ZBTB7B: variants seen among roughly 807,000 people sequenced by gnomAD.
The protein encoded by ZBTB7B is zinc finger and BTB domain containing 7B.
ZBTB7B carries 8 observed loss-of-function variants against 31.0 expected under a neutral mutation model. The ratio of observed to expected loss-of-function variants is 0.26; its 90% CI spans 0.15 to 0.47. ZBTB7B has a LOEUF of 0.47. ZBTB7B is among the 20% of genes least tolerant of loss of function. ZBTB7B has a pLI of 0.99. For missense variants in ZBTB7B, 494 were observed against 742.4 expected (o/e 0.67, Z 3.89); for synonymous variants, 261 against 307.3 (o/e 0.85, Z 1.58).
In ZBTB7B at chr1:155,003,159, C is replaced by G. The variant is rs1000708388; in HGVS notation, c.-7+216C>G. ...CAGAGAAGGAACTGCGGATGCCCCC[C>G]AACCCTAGGCGGAGGGTCCCCAGAA... On this transcript the variant is annotated intron_variant, in intron 1 of 2. Coordinates refer to ENST00000535420, the MANE Select transcript of ZBTB7B (RefSeq NM_001256455.2). This position sits in a 1 kb window ranked among gnomAD's most constrained non-coding sequence, Gnocchi z 5.8. Among the ~76,000 whole-genome samples, 3 of 152,200 alleles carry G rather than the reference C, an allele frequency of 2.0e-5. No homozygotes were observed. The highest frequency in any genetic ancestry group is 4.4e-5 in the Non-Finnish European group (3 of 68,032).
chr1:155,002,312 G>T (rs946807179), upstream of ZBTB7B, among the ~76,000 whole-genome samples: 68 of 150,424 alleles, frequency 4.5e-4, no homozygotes, highest in African/African-American at 1.6e-3. Flanking sequence ...GGTGGACTGG[G>T]AGAGATAGGG....
intron 1 of ZBTB7B, 166 bp from the exon 2 acceptor site, chr1:155,014,489 G>A: frequency 3.1e-6 from 2 of 650,954 alleles, no homozygotes; most frequent in South Asian, 2.0e-5. Flanking sequence ...TGAAACAGAT[G>A]ATGATCATAC....
At position 155,003,253 on chromosome 1, in the gene ZBTB7B, G is replaced by T. The variant is rs992234608; in HGVS notation, c.-7+310G>T. ...CGGGATGGAGAGGGGGTGAGGCGAC[G>T]CTGAGCGTTCCCCCAGTCTCCTTCG... On this transcript the variant is annotated intron_variant, in intron 1 of 2. Transcript: ENST00000535420. This position sits in a 1 kb window ranked among gnomAD's most constrained non-coding sequence, Gnocchi z 5.8. 2.0e-5 allele frequency among the ~76,000 whole-genome samples: 3 copies of T among 152,222 alleles called. No individual in the cohort carries two copies. Among genetic ancestry groups the T allele is most frequent in the African/African-American group, 4.8e-5 (2 of 41,456 alleles).
At chr1:155,008,061 C>A (rs1406222375) in intron 1 of ZBTB7B, among the ~76,000 whole-genome samples, 3 of 152,174 alleles carry the variant, frequency 2.0e-5, no homozygotes, top group African/African-American at 7.2e-5. Flanking sequence ...TCCCACCCAA[C>A]CGGCCAGGGT....
At chr1:155,010,932 G>A in intron 1 of ZBTB7B, 2 of 1,535,804 alleles carry the variant, frequency 1.3e-6, no homozygotes, top group Non-Finnish European at 1.7e-6. Context: ...GTTACAGCCT[G>A]GTCCTCATCC....
chr1:155,013,051 A>G (rs947514544), intron 1 of ZBTB7B, among the ~76,000 whole-genome samples: 1 of 152,158 alleles, frequency 6.6e-6, no homozygotes, highest in African/African-American at 2.4e-5. Flanking sequence ...CCTGTCCCCA[A>G]GTAGTTTTCT....
In ZBTB7B at chr1:155,014,684, G is replaced by C; in HGVS notation, c.24G>C (p.Leu8=). ...AGATGGGGAGCCCCGAGGATGACCT[G>C]ATTGGGATTCCATTCCCGGACCACA... MGSPEDD[L]IGIPFPDHSS... Residue 8 remains leucine (L), a synonymous_variant, in exon 2 of 3, where the codon CTG becomes CTC. Coordinates refer to ENST00000535420, the MANE Select transcript of ZBTB7B (RefSeq NM_001256455.2). The C allele has an allele frequency of 6.2e-7, 1 of 1,613,766 alleles. No homozygotes were observed. Among genetic ancestry groups the C allele is most frequent in the Non-Finnish European group, 8.5e-7 (1 of 1,179,716 alleles).
At chr1:155,013,382 G>A (rs986009463) in intron 1 of ZBTB7B, among the ~76,000 whole-genome samples, 8 of 152,244 alleles carry the variant, frequency 5.3e-5, no homozygotes, top group African/African-American at 9.6e-5. Context: ...TGTCAGGGCT[G>A]AAGGTCTGAG....
At chr1:155,005,689 G>A (rs1055854555) in intron 1 of ZBTB7B, among the ~76,000 whole-genome samples, 4 of 152,258 alleles carry the variant, frequency 2.6e-5, no homozygotes, top group Non-Finnish European at 5.9e-5. Flanking sequence ...TTTTGGCCTA[G>A]GGCGGGAGAG....
In ZBTB7B at chr1:155,004,629, A is replaced by G. The variant is rs562367606; in HGVS notation, c.-7+1686A>G. On this transcript the variant is annotated intron_variant, in intron 1 of 2. Coordinates refer to ENST00000535420, the MANE Select transcript of ZBTB7B (RefSeq NM_001256455.2). The surrounding 1 kb of genome is among the most constrained non-coding windows in gnomAD (Gnocchi z 4.0). ...GCTAGAGAGGGACATATGTGTGACT[A>G]TGTCTGGATGATAGTTAGTGTTCCT... is the stretch of plus-strand genomic sequence containing the variant. 2.0e-5 allele frequency among the ~76,000 whole-genome samples: 3 copies of G among 152,182 alleles called. No homozygotes were observed. The South Asian group carries it at 6.2e-4, about 32-fold the overall frequency.
Position 155,015,666 on chromosome 1 carries a change from C to G in ZBTB7B, c.1006C>G (p.Leu336Val). Residue 336 changes from leucine (L) to valine (V), a missense_variant, in exon 2 of 3, where the codon CTG becomes GTG. Leu to Val is a conservative substitution (Grantham distance 32, BLOSUM62 1). This residue lies in a region of ZBTB7B where 216 missense variants were observed against 229.3 expected (regional missense o/e 0.94). Coordinates refer to ENST00000535420, the MANE Select transcript of ZBTB7B (RefSeq NM_001256455.2). ...LAPGLDSQDK[L>V]VRKRRSQMPQ... ...ACCAGGCCTGGACAGCCAAGACAAG[C>G]TGGTGCGCAAACGCCGCTCCCAGAT... is the stretch of plus-strand genomic sequence containing the variant. 6.2e-7 allele frequency: 1 copy of G among 1,613,294 alleles called. No individual in the cohort carries two copies. Among genetic ancestry groups the G allele is most frequent in the South Asian group, 1.1e-5 (1 of 91,042 alleles).
chr1:155,014,511 CT>C (rs1242796710), intron 1 of ZBTB7B, 143 bp from the exon 2 acceptor site: 1 of 706,902 alleles, frequency 1.4e-6, no homozygotes, highest in East Asian at 2.7e-5. Context: ...TCAGAGGGTT[CT>C]GGAAGATGAA....
At chr1:155,009,232 C>T (rs4845700) in intron 1 of ZBTB7B, among the ~76,000 whole-genome samples, 101,070 of 151,958 alleles carry the variant, frequency 0.67, 37,680 homozygotes, top group East Asian at 0.91. Flanking sequence ...CTGGGCCAGG[C>T]CAGGAGGCTG....
Position 155,018,510 on chromosome 1 carries a change from T to G in ZBTB7B, c.*1825T>G. On this transcript the variant is annotated 3_prime_UTR_variant, in exon 3 of 3. Transcript: ENST00000535420. ...TGTAAGCGACAGGAAGAAATAATAA[T>G]AATTTAAGATTCACACTTGTGTCCA... 1.3e-6 allele frequency: 2 copies of G among 1,585,760 alleles called. No homozygotes were observed. Among genetic ancestry groups the G allele is most frequent in the Non-Finnish European group, 1.7e-6 (2 of 1,158,480 alleles).
chr1:155,016,191 TCCCTGCCCCTCAC>T lies in ZBTB7B; in HGVS notation c.1155-21_1155-9del. The T allele has an allele frequency of 6.2e-7, 1 of 1,602,770 alleles. No individual in the cohort carries two copies. The highest frequency in any genetic ancestry group is 8.5e-7 in the Non-Finnish European group (1 of 1,172,632). On this transcript the variant is annotated splice_polypyrimidine_tract_variant and intron_variant, in intron 2 of 2. Transcript: ENST00000535420. The surrounding 1 kb of genome is among the most constrained non-coding windows in gnomAD (Gnocchi z 4.3). ...AGCCAGGGATCCCATCCTGAACACC[TCCCTGCCCCTCAC>T]CCCTGCCTGTGCCAGGAACGACAAG...
chr1:155,002,334 G>C (rs141270835), upstream of ZBTB7B, among the ~76,000 whole-genome samples: 106 of 150,274 alleles, frequency 7.1e-4, no homozygotes, highest in Middle Eastern at 6.8e-3. Flanking sequence ...CAGGAGAAAG[G>C]GGGGGGAGAG....
At position 155,018,496 on chromosome 1, in the gene ZBTB7B, G is replaced by A; in HGVS notation, c.*1811G>A. The A allele has an allele frequency of 1.9e-6, 3 of 1,572,418 alleles. No homozygotes were observed. Among genetic ancestry groups the A allele is most frequent in the Non-Finnish European group, 2.6e-6 (3 of 1,150,382 alleles). On this transcript the variant is annotated 3_prime_UTR_variant, in exon 3 of 3. Transcript: ENST00000535420. ...TCCCCCACCTCGGGTGTAAGCGACA[G>A]GAAGAAATAATAATAATTTAAGATT... is the stretch of plus-strand genomic sequence containing the variant.
At chr1:155,008,540 G>T (rs1017214031) in intron 1 of ZBTB7B, among the ~76,000 whole-genome samples, 3 of 152,028 alleles carry the variant, frequency 2.0e-5, no homozygotes, top group African/African-American at 7.2e-5. Flanking sequence ...AGCTGCCTCC[G>T]TCCCCTCCCC....
Position 155,015,528 on chromosome 1 carries a change from C to G in ZBTB7B, c.868C>G (p.Leu290Val). The G allele has an allele frequency of 6.2e-7, 1 of 1,613,916 alleles. No homozygotes were observed. The change falls in exon 2 of 3, where the codon CTG becomes GTG. Residue 290 changes from leucine (L) to valine (V), a missense_variant. By Grantham distance (32) the Leu-to-Val change is conservative. Transcript: ENST00000535420. The stretch of plus-strand genomic sequence containing the variant: ...GCTGGTATATCCCCCAGCCTATGGG[C>G]TGGCGCAGGGTGGCGGGCCCCCGCT... ...EELVYPPAYG[L>V]AQGGGPPLSP...
Sources: allele counts gnomAD v4.1 joint callset (sites outside exome capture counted in the v4.1 genomes callset), GRCh38; gene constraint gnomAD v4.1.1; regional missense constraint gnomAD v4.1.1; non-coding constraint Gnocchi (gnomAD v3.1); transcripts MANE v1.5; gene names NCBI Gene and HGNC (gene_info 2026-07-23, HGNC 2026-07-21).